MS4A1: variants seen among roughly 807,000 people sequenced by gnomAD.
MS4A1 encodes the protein membrane spanning 4-domains A1.
MS4A1 carries 16 observed loss-of-function variants against 26.5 expected under a neutral mutation model. The observed-to-expected ratio is 0.60, with a 90% CI of 0.41 to 0.92. The LOEUF (loss-of-function observed/expected upper bound fraction) is 0.92. MS4A1 is among the 40% of genes least tolerant of loss of function. MS4A1 has a pLI of 0.00. For missense variants in MS4A1, 350 were observed against 353.0 expected, an observed-to-expected ratio of 0.99 and a Z score of 0.07; for synonymous variants, 128 against 117.6, an observed-to-expected ratio of 1.09 and a Z score of -0.57.
chr11:60,464,014 C>T (rs1217763222), intron 4 of MS4A1: 1 of 521,930 alleles, frequency 1.9e-6, no homozygotes, highest in African/African-American at 1.9e-5. Flanking sequence ...AATTTGAGTT[C>T]TGTCTCTTTG....
chr11:60,457,220 G>T (rs1415935547), intron 1 of MS4A1, among the ~76,000 whole-genome samples: 2 of 152,168 alleles, frequency 1.3e-5, no homozygotes, highest in Non-Finnish European at 2.9e-5. Flanking sequence ...CTTCAAAGTT[G>T]AGAAGATTCA....
Position 60,469,739 on chromosome 11 carries a change from G to A in MS4A1, c.*1271G>A, listed in dbSNP as rs200284201. Reference sequence around the variant, plus strand: ...TTGGAAACAATGTAATTAAAATGCCGAATCTGAGTCAACAGCTGCCCTACT... The same window carrying A: ...TTGGAAACAATGTAATTAAAATGCCAAATCTGAGTCAACAGCTGCCCTACT... On this transcript the variant is annotated 3_prime_UTR_variant, in exon 8 of 8. Coordinates refer to ENST00000345732, the MANE Select transcript of MS4A1 (RefSeq NM_152866.3). The A allele has an allele frequency of 3.3e-5, 5 of 152,034 alleles. No homozygotes were observed. The highest frequency in any genetic ancestry group is 2.1e-4 in the South Asian group (1 of 4,808). 9.4% of individuals were successfully genotyped at this position (152,034 alleles called of 1,614,324 possible).
intron 5 of MS4A1, among the ~76,000 whole-genome samples, chr11:60,465,070 G>A (rs1315789413): frequency 6.6e-6 from 1 of 152,172 alleles, no homozygotes; most frequent in African/African-American, 2.4e-5. Flanking sequence ...AAAGTGGCCT[G>A]ACACACTCAG....
intron 6 of MS4A1, 121 bp downstream of exon 6, chr11:60,466,278 C>A: frequency 1.2e-6 from 1 of 855,216 alleles, no homozygotes; most frequent in African/African-American, 1.6e-5. Flanking sequence ...GTCTGTGTGG[C>A]TTTGGGAAAG....
rs147391594 is a variant in MS4A1, at chr11:60,456,347, G to A, written c.-280+402G>A. ...GGGGGCAATGGTACCCATTACATTAGGAAAATTGGAACTAAAATCCTGAAT... is the reference window on the plus strand; with the variant it reads ...GGGGGCAATGGTACCCATTACATTAAGAAAATTGGAACTAAAATCCTGAAT... On this transcript the variant is annotated intron_variant, in intron 1 of 7. Coordinates refer to ENST00000345732, the MANE Select transcript of MS4A1 (RefSeq NM_152866.3). Among the ~76,000 whole-genome samples the A allele has an allele frequency of 4.6e-5, 7 of 152,166 alleles. No homozygotes were observed. In the East Asian group the frequency reaches 1.2e-3, roughly 25 times the overall value.
rs1760166286 is a variant in MS4A1, at chr11:60,469,881, T to C, written c.*1413T>C. 6.6e-6 allele frequency: 1 copy of C among 152,106 alleles called. No individual in the cohort carries two copies. The allele number at this position is 152,106 out of a possible 1,614,324, so 9.4% of individuals were successfully genotyped here. A position where few individuals can be genotyped will look rare whatever the true frequency, so the allele number is the denominator to read the frequency against. On this transcript the variant is annotated 3_prime_UTR_variant, in exon 8 of 8. Coordinates refer to ENST00000345732, the MANE Select transcript of MS4A1 (RefSeq NM_152866.3). ...CTACATGATGAGTGCTGCCAGATTG[T>C]GGCAGGTAAAGAGACAATGTAATTT...
Position 60,468,404 on chromosome 11 carries a change from C to T in MS4A1, c.830C>T (p.Thr277Met), listed in dbSNP as rs200527465. The T allele has an allele frequency of 2.9e-5, 47 of 1,614,036 alleles. No individual in the cohort carries two copies. The highest frequency in any genetic ancestry group is 5.3e-5 in the African/African-American group (4 of 74,934). The change falls in exon 8 of 8, where the codon ACG becomes ATG. Residue 277 changes from threonine (T) to methionine (M), a missense_variant. Physicochemically the swap from Thr to Met is moderately conservative, Grantham distance 81 (BLOSUM62 -1). Transcript: ENST00000345732. ...IQEEEEEETE[T>M]NFPEPPQDQE... ...GAAGAGGAAGAAGAAGAAACAGAGACGAACTTTCCAGAACCTCCCCAAGAT... is the reference window on the plus strand; with the variant it reads ...GAAGAGGAAGAAGAAGAAACAGAGATGAACTTTCCAGAACCTCCCCAAGAT...
rs1005062755 is a variant in MS4A1 at position 60,469,982 on chromosome 11, T to C, written c.*1514T>C. On this transcript the variant is annotated 3_prime_UTR_variant, in exon 8 of 8. Coordinates refer to ENST00000345732, the MANE Select transcript of MS4A1 (RefSeq NM_152866.3). ...TCCCCAAAATTAGAAAAAAAGGAGA[T>C]AGAAGATTTCTGTCTATGTAAAGTT... 1 of 152,100 alleles carries C rather than the reference T, an allele frequency of 6.6e-6. No individual in the cohort carries two copies. 9.4% of individuals were successfully genotyped at this position (152,100 alleles called of 1,614,324 possible).
At position 60,470,713 on chromosome 11, in the gene MS4A1, T is replaced by C. The variant is rs1389888032; in HGVS notation, c.*2245T>C. The C allele has an allele frequency of 6.6e-6, 1 of 152,046 alleles. No individual in the cohort carries two copies. Among genetic ancestry groups the C allele is most frequent in the Non-Finnish European group, 1.5e-5 (1 of 67,892 alleles). 9.4% of individuals were successfully genotyped at this position (152,046 alleles called of 1,614,324 possible). On this transcript the variant is annotated 3_prime_UTR_variant, in exon 8 of 8. Coordinates refer to ENST00000345732, the MANE Select transcript of MS4A1 (RefSeq NM_152866.3). The stretch of plus-strand genomic sequence containing the variant: ...ATTTGCATTTTTGTAAAAATAATGT[T>C]GTATCCACAAAGGAAATAAACTTTA...
intron 1 of MS4A1, among the ~76,000 whole-genome samples, chr11:60,456,923 A>C (rs2086208969): frequency 6.6e-6 from 1 of 152,058 alleles, no homozygotes; most frequent in Non-Finnish European, 1.5e-5. Context: ...GAGCCACTGC[A>C]CCTGGCCATT....
At chr11:60,464,473 A>C in intron 5 of MS4A1, 129 bp downstream of exon 5, 1 of 756,524 alleles carries the variant, frequency 1.3e-6, no homozygotes, top group South Asian at 1.5e-5. Flanking sequence ...ACCCTCCACA[A>C]TGTTATTGTG....
chr11:60,458,827 A>T (rs1374734672), intron 1 of MS4A1, among the ~76,000 whole-genome samples: 2 of 147,992 alleles, frequency 1.4e-5, no homozygotes, highest in African/African-American at 5.0e-5. Context: ...ATAATCAGAT[A>T]TATATATGAA....
chr11:60,466,681 T>A (rs1221620329), intron 6 of MS4A1: 5 of 445,344 alleles, frequency 1.1e-5, no homozygotes, highest in Non-Finnish European at 2.1e-5. Context: ...CATTACTTAT[T>A]CTTTCCTATA....
chr11:60,459,759 T>G (rs1044548373), intron 1 of MS4A1, among the ~76,000 whole-genome samples: 1 of 152,222 alleles, frequency 6.6e-6, no homozygotes, highest in Admixed American at 6.5e-5. Flanking sequence ...CAACCAAAGT[T>G]TCTTCTCTCT....
intron 7 of MS4A1, among the ~76,000 whole-genome samples, chr11:60,467,972 C>T (rs1213012867): frequency 3.3e-5 from 5 of 152,128 alleles, no homozygotes; most frequent in African/African-American, 1.2e-4. Context: ...AATCTAAACT[C>T]CTCTATTACT....
chr11:60,460,987 A>G (rs1482463915), intron 1 of MS4A1, 85 bp from the exon 2 acceptor site: 3 of 151,854 alleles, frequency 2.0e-5, no homozygotes, highest in Non-Finnish European at 2.9e-5. Context: ...AAAAATAACT[A>G]TTTATTCCAA....
intron 5 of MS4A1, among the ~76,000 whole-genome samples, chr11:60,465,539 T>C (rs984634907): frequency 3.3e-5 from 5 of 152,236 alleles, no homozygotes; most frequent in African/African-American, 1.2e-4. Context: ...TCCCTCTACC[T>C]ATTTATGAAG....
chr11:60,465,726 G>A, intron 5 of MS4A1, 195 bp from the exon 6 acceptor site: 2 of 589,148 alleles, frequency 3.4e-6, no homozygotes, highest in Non-Finnish European at 6.1e-6. Flanking sequence ...AGATAGGGAA[G>A]ACTGAGAAAA....
At chr11:60,463,622 T>C (rs1236551669) in intron 4 of MS4A1, 1 of 338,532 alleles carries the variant, frequency 3.0e-6, no homozygotes, top group East Asian at 7.6e-5. Context: ...TGTAACCCTG[T>C]CTGGGTGTGG....
Sources: allele counts gnomAD v4.1 joint callset (sites outside exome capture counted in the v4.1 genomes callset), GRCh38; gene constraint gnomAD v4.1.1; transcripts MANE v1.5; gene names NCBI Gene and HGNC (gene_info 2026-07-23, HGNC 2026-07-21).